TOGARAM2: variants seen among roughly 807,000 people sequenced by gnomAD.
TOGARAM2 encodes TOG array regulator of axonemal microtubules 2.
A neutral mutation model predicts 93.3 loss-of-function variants in TOGARAM2; 85 were observed. The observed-to-expected ratio is 0.91, with a 90% CI of 0.76 to 1.09. TOGARAM2 has a LOEUF of 1.09. TOGARAM2 is among the 50% of genes least tolerant of loss of function. The pLI is 0.00. For synonymous variants in TOGARAM2, 593 were observed against 552.8 expected (o/e 1.07, Z -1.02); for missense variants, 1,277 against 1,334.5 (o/e 0.96, Z 0.67).
intron 14 of TOGARAM2, 124 bp downstream of exon 14, chr2:29,027,135 T>C (rs1280382518): frequency 2.9e-6 from 3 of 1,042,446 alleles, no homozygotes; most frequent in Admixed American, 6.3e-5. Flanking sequence ...AGGCGGAAGC[T>C]ATGTCCTTTC....
In TOGARAM2 at chr2:29,052,029, C is replaced by T. The variant is rs1249409814; in HGVS notation, c.2996C>T (p.Thr999Ile). The change falls in exon 20 of 20, where the codon ACT becomes ATT. Residue 999 changes from threonine (T) to isoleucine (I), a missense_variant. Thr to Ile is a moderately conservative substitution (Grantham distance 89). Transcript: ENST00000379558. Reference protein sequence around the residue: ...SESLGGSRKATDRGVAPDSKT... With the variant: ...SESLGGSRKAIDRGVAPDSKT... ...TCCTTGGGAGGCAGCCGCAAGGCCACTGACAGAGGGGTGGCCCCTGACAGC... is the reference window on the plus strand; with the variant it reads ...TCCTTGGGAGGCAGCCGCAAGGCCATTGACAGAGGGGTGGCCCCTGACAGC... 6.8e-6 allele frequency: 11 copies of T among 1,608,284 alleles called. No homozygotes were observed. The highest frequency in any genetic ancestry group is 7.6e-6 in the Non-Finnish European group (9 of 1,177,646).
At chr2:29,044,337 G>C (rs1263784525) in intron 18 of TOGARAM2, among the ~76,000 whole-genome samples, 1 of 152,176 alleles carries the variant, frequency 6.6e-6, no homozygotes, top group Non-Finnish European at 1.5e-5. Flanking sequence ...AGACCACCTG[G>C]AGTTTACAAG....
intron 14 of TOGARAM2, among the ~76,000 whole-genome samples, chr2:29,027,476 A>G (rs1387200859): frequency 6.6e-6 from 1 of 152,172 alleles, no homozygotes; most frequent in Non-Finnish European, 1.5e-5. Context: ...GATATAAAGA[A>G]AAAATAGGCC....
In TOGARAM2 at chr2:29,004,917, T is replaced by G. The variant is rs985198885; in HGVS notation, c.830+1235T>G. On this transcript the variant is annotated intron_variant, in intron 6 of 19. Coordinates refer to ENST00000379558, the MANE Select transcript of TOGARAM2 (RefSeq NM_199280.4). ...ATGTGTGAGTGCATGTGTGTGCATG[T>G]GTACGTGTGTGAGTGCATGTGTGTG... is the stretch of plus-strand genomic sequence containing the variant. 4.5e-4 allele frequency among the ~76,000 whole-genome samples: 7 copies of G among 15,584 alleles called. No homozygotes were observed. In the Admixed American group the frequency reaches 6.8e-3, roughly 15 times the overall value. The allele number at this position is 15,584 out of a possible 152,430, so 10.2% of individuals were successfully genotyped here.
rs114434805 is a variant in TOGARAM2 at position 29,005,346 on chromosome 2, C to T, written c.830+1664C>T. ...ATGTGTGTGTGAGACCGTGTGTGTG[C>T]ATGTGTGGAGCGTATGTGTGAGAAC... is the stretch of plus-strand genomic sequence containing the variant. On this transcript the variant is annotated intron_variant, in intron 6 of 19. Transcript: ENST00000379558. Among the ~76,000 whole-genome samples, 5 of 12,592 alleles carry T rather than the reference C, an allele frequency of 4.0e-4. 1 individual carries two copies. Among genetic ancestry groups the T allele is most frequent in the African/African-American group, 6.2e-4 (5 of 8,056 alleles). 8.3% of individuals were successfully genotyped at this position (12,592 alleles called of 152,430 possible). A position where few individuals can be genotyped will look rare whatever the true frequency, so the allele number is the denominator to read the frequency against.
intron 13 of TOGARAM2, 98 bp downstream of exon 13, chr2:29,024,472 G>C: frequency 2.0e-6 from 1 of 507,480 alleles, no homozygotes; most frequent in Admixed American, 2.5e-5. Flanking sequence ...AGGGTGCAGG[G>C]AGGGAGGGAG....
intron 8 of TOGARAM2, among the ~76,000 whole-genome samples, chr2:29,016,432 T>A (rs1271971905): frequency 6.6e-6 from 1 of 152,198 alleles, no homozygotes; most frequent in East Asian, 1.9e-4. Flanking sequence ...GTTCTGTGGA[T>A]GTGGAAGATA....
At chr2:29,041,461 C>T (rs73922951) in intron 18 of TOGARAM2, among the ~76,000 whole-genome samples, 2,480 of 152,330 alleles carry the variant, frequency 0.016, 63 homozygotes, top group African/African-American at 0.055. Context: ...AAAACCAGCG[C>T]GTCATAACTT....
intron 2 of TOGARAM2, among the ~76,000 whole-genome samples, chr2:28,997,222 GAATAT>G (rs138053855): frequency 0.38 from 57,680 of 151,912 alleles, 13,404 homozygotes; most frequent in Non-Finnish European, 0.52. Flanking sequence ...TTAATAACCA[GAATAT>G]ATAAGGAACT....
At chr2:28,972,328 C>A in intron 1 of TOGARAM2, 1 of 152,346 alleles carries the variant, frequency 6.6e-6, no homozygotes, top group Non-Finnish European at 1.5e-5. Context: ...TCACTGAACT[C>A]CTGAGCTCAG....
chr2:29,049,950 T>G (rs1300606862), intron 19 of TOGARAM2: 2 of 152,170 alleles, frequency 1.3e-5, no homozygotes, highest in Non-Finnish European at 2.9e-5. Flanking sequence ...CTTCCCTGGT[T>G]CCTCCTTATT....
chr2:29,011,513 C>T lies in TOGARAM2; in HGVS notation c.877+12C>T, dbSNP rs1664247160. ...CCCTGCATCTCTGGGTACGTATCTT[C>T]CATGCACACCTCCCTTTGTTATTTG... On this transcript the variant is annotated intron_variant, in intron 7 of 19. Transcript: ENST00000379558. The T allele has an allele frequency of 6.3e-7, 1 of 1,599,324 alleles. No individual in the cohort carries two copies. The highest frequency in any genetic ancestry group is 1.8e-5 in the Admixed American group (1 of 56,648).
intron 19 of TOGARAM2, chr2:29,049,762 G>A (rs936422299): frequency 6.6e-6 from 1 of 152,152 alleles, no homozygotes; most frequent in African/African-American, 2.4e-5. Flanking sequence ...GGAATGCTGG[G>A]GTGACCCAAA....
At chr2:29,027,095 C>T in intron 14 of TOGARAM2, 84 bp downstream of exon 14, 1 of 1,353,522 alleles carries the variant, frequency 7.4e-7, no homozygotes, top group Non-Finnish European at 9.8e-7. Context: ...GCTTCAGCTT[C>T]CCTGGGATCC....
chr2:29,022,449 A>G (rs1421913605), intron 11 of TOGARAM2, 141 bp downstream of exon 11: 4 of 1,117,574 alleles, frequency 3.6e-6, no homozygotes, highest in Non-Finnish European at 5.1e-6. Context: ...TGGAGGGAGG[A>G]CTGTGCATGC....
rs558383919 is a variant in TOGARAM2 at position 29,003,557 on chromosome 2, C to T, written c.705C>T (p.Ile235=). ...DEKMQKSLGA[I]VIPPIPKART... ...AGATGCAGAAGTCCCTGGGCGCCAT[C>T]GTGATCCCACCCATCCCAAAGGCCA... The change falls in exon 6 of 20, where the codon ATC becomes ATT. Residue 235 remains isoleucine (I), a synonymous_variant. Coordinates refer to ENST00000379558, the MANE Select transcript of TOGARAM2 (RefSeq NM_199280.4). 254 of 1,594,800 alleles carry T rather than the reference C, an allele frequency of 1.6e-4. 5 individuals are homozygous for T. The South Asian group carries it at 2.7e-3, about 17-fold the overall frequency.
chr2:28,974,126 C>CTTT (rs1558394973), intron 1 of TOGARAM2, among the ~76,000 whole-genome samples: 3 of 73,848 alleles, frequency 4.1e-5, no homozygotes, highest in African/African-American at 1.1e-4. Context: ...TATAATATAT[C>CTTT]CTTTTTTTTT....
At chr2:28,980,655 T>C (rs1420677404), upstream of TOGARAM2, among the ~76,000 whole-genome samples, 1 of 152,154 alleles carries the variant, frequency 6.6e-6, no homozygotes, top group Non-Finnish European at 1.5e-5. Flanking sequence ...AAAGTACACA[T>C]GGGCTGCTAG....
At chr2:28,994,465 G>C (rs1443266945) in intron 1 of TOGARAM2, among the ~76,000 whole-genome samples, 1 of 152,168 alleles carries the variant, frequency 6.6e-6, no homozygotes, top group Non-Finnish European at 1.5e-5. Context: ...CCCTAAAGGT[G>C]TCCATGTCTC....
Sources: allele counts gnomAD v4.1 joint callset (sites outside exome capture counted in the v4.1 genomes callset), GRCh38; gene constraint gnomAD v4.1.1; transcripts MANE v1.5; gene names NCBI Gene and HGNC (gene_info 2026-07-23, HGNC 2026-07-21).